The following ATRNL1 variants were observed in gnomAD, a reference collection of about 807,000 sequenced individuals.
ATRNL1 encodes attractin-like protein 1.
In ATRNL1, 95 loss-of-function variants were observed where a neutral mutation model predicts 182.7. That is an observed-to-expected ratio of 0.52 (90% CI 0.44 to 0.62). ATRNL1 has a LOEUF of 0.62. Among genes scored for constraint, ATRNL1 ranks in the 20% least tolerant of loss-of-function variants. ATRNL1 has a pLI of 0.00. For missense variants in ATRNL1, 1,471 were observed against 1,679.5 expected (o/e 0.88, Z 2.17); for synonymous variants, 576 against 568.3 (o/e 1.01, Z -0.19).
Position 115,804,708 on chromosome 10 carries a change from A to G in ATRNL1, c.3904-43169A>G, listed in dbSNP as rs141225539. 1.5e-4 allele frequency among the ~76,000 whole-genome samples: 23 copies of G among 152,340 alleles called. No homozygotes were observed. In the East Asian group the frequency reaches 4.4e-3, roughly 29 times the overall value. ...ACAAAGGCTCAAGGATCCTTAAAAT[A>G]AAAACCAAGACTTTCAGTGGGTTGT... On this transcript the variant is annotated intron_variant, in intron 27 of 28. Coordinates refer to ENST00000355044, the MANE Select transcript of ATRNL1 (RefSeq NM_207303.4).
intron 26 of ATRNL1, among the ~76,000 whole-genome samples, chr10:115,646,168 T>C (rs1237273256): frequency 6.6e-6 from 1 of 152,052 alleles, no homozygotes; most frequent in Non-Finnish European, 1.5e-5. Context: ...ATTATACTGA[T>C]TTTTTAAAAC....
chr10:115,504,429 C>T (rs1850005564), intron 24 of ATRNL1, among the ~76,000 whole-genome samples: 1 of 151,958 alleles, frequency 6.6e-6, no homozygotes, highest in South Asian at 2.1e-4. Context: ...CACCTAAAGC[C>T]ACAGAATTAG....
chr10:115,609,476 A>G (rs1857041681), intron 26 of ATRNL1, among the ~76,000 whole-genome samples: 1 of 152,220 alleles, frequency 6.6e-6, no homozygotes, highest in Non-Finnish European at 1.5e-5. Flanking sequence ...GTTAAAAACT[A>G]TTAAATAACC....
intron 26 of ATRNL1, among the ~76,000 whole-genome samples, chr10:115,689,202 A>C (rs1555047293): frequency 6.6e-6 from 1 of 151,996 alleles, no homozygotes; most frequent in East Asian, 1.9e-4. Flanking sequence ...GTTTACCATA[A>C]CCTTATAATA....
intron 26 of ATRNL1, among the ~76,000 whole-genome samples, chr10:115,722,530 A>G (rs1262020090): frequency 6.6e-6 from 1 of 152,176 alleles, no homozygotes; most frequent in Non-Finnish European, 1.5e-5. Flanking sequence ...AGAACAAAAA[A>G]TGATTTTTTA....
chr10:115,428,160 G>T (rs1171459071), intron 21 of ATRNL1, among the ~76,000 whole-genome samples: 2 of 151,610 alleles, frequency 1.3e-5, no homozygotes, highest in African/African-American at 4.8e-5. Flanking sequence ...TTTTAAATTT[G>T]TGATGCTATT....
intron 26 of ATRNL1, among the ~76,000 whole-genome samples, chr10:115,556,432 G>T (rs1325214617): frequency 6.6e-6 from 1 of 152,072 alleles, no homozygotes; most frequent in Non-Finnish European, 1.5e-5. Flanking sequence ...AAAATATATT[G>T]TATGTTTCAC....
intron 8 of ATRNL1, among the ~76,000 whole-genome samples, chr10:115,185,769 C>T (rs1339012146): frequency 6.6e-6 from 1 of 151,972 alleles, no homozygotes; most frequent in African/African-American, 2.4e-5. Context: ...GGAGAAAAAT[C>T]GTAACTACAT....
At chr10:115,413,227 T>G (rs1294322822) in intron 20 of ATRNL1, among the ~76,000 whole-genome samples, 3 of 152,164 alleles carry the variant, frequency 2.0e-5, no homozygotes, top group Non-Finnish European at 4.4e-5. Flanking sequence ...GAGTGGTGAC[T>G]CTGCTATTAG....
At chr10:115,618,206 T>C (rs1555021477) in intron 26 of ATRNL1, among the ~76,000 whole-genome samples, 1 of 152,182 alleles carries the variant, frequency 6.6e-6, no homozygotes, top group African/African-American at 2.4e-5. Flanking sequence ...GATATGATAA[T>C]GGACTAATAT....
intron 26 of ATRNL1, among the ~76,000 whole-genome samples, chr10:115,726,196 C>T (rs1555060028): frequency 6.6e-6 from 1 of 152,140 alleles, no homozygotes; most frequent in African/African-American, 2.4e-5. Context: ...TTTTATGAAT[C>T]TTCACTCACA....
chr10:115,643,609 GCA>G (rs1269426652), intron 26 of ATRNL1, among the ~76,000 whole-genome samples: 1 of 152,074 alleles, frequency 6.6e-6, no homozygotes, highest in Admixed American at 6.6e-5. Context: ...CAAAAATGAT[GCA>G]GTTTTTAAAA....
intron 15 of ATRNL1, among the ~76,000 whole-genome samples, chr10:115,289,791 T>A (rs576679391): frequency 6.6e-6 from 1 of 152,320 alleles, no homozygotes; most frequent in African/African-American, 2.4e-5. Flanking sequence ...TACAACTTTG[T>A]AGTGTATTTT....
intron 19 of ATRNL1, among the ~76,000 whole-genome samples, chr10:115,355,593 G>C (rs546706501): frequency 1.7e-4 from 26 of 152,104 alleles, no homozygotes; most frequent in Middle Eastern, 6.8e-3. Context: ...TAAAACAAAA[G>C]ATGTACTATA....
intron 26 of ATRNL1, among the ~76,000 whole-genome samples, chr10:115,561,638 A>G (rs1853715750): frequency 1.3e-5 from 2 of 148,684 alleles, no homozygotes; most frequent in South Asian, 2.1e-4. Context: ...GGATCCTGGA[A>G]CCAATCTCCT....
chr10:115,690,968 T>C (rs1593072871), intron 26 of ATRNL1, among the ~76,000 whole-genome samples: 1 of 152,108 alleles, frequency 6.6e-6, no homozygotes, highest in Non-Finnish European at 1.5e-5. Context: ...CCCTTGGGGC[T>C]CCCAAGCCAA....
At chr10:115,862,761 G>A (rs936728919) in intron 28 of ATRNL1, among the ~76,000 whole-genome samples, 23 of 152,100 alleles carry the variant, frequency 1.5e-4, no homozygotes, top group Non-Finnish European at 2.5e-4. Context: ...ATTTATTTTA[G>A]TACTTTTTTG....
intron 26 of ATRNL1, among the ~76,000 whole-genome samples, chr10:115,603,357 A>C (rs532513688): frequency 1.3e-5 from 2 of 152,148 alleles, no homozygotes; most frequent in African/African-American, 4.8e-5. Flanking sequence ...TAGGGGCTTT[A>C]CATTAAGAGA....
At chr10:115,317,925 G>T (rs1340691394) in intron 18 of ATRNL1, among the ~76,000 whole-genome samples, 1 of 151,862 alleles carries the variant, frequency 6.6e-6, no homozygotes, top group Non-Finnish European at 1.5e-5. Flanking sequence ...AGAACTTCTA[G>T]TACCATGTTG....
Sources: gnomAD v4.1 joint callset for allele counts (sites outside exome capture counted in the v4.1 genomes callset) on GRCh38, gnomAD v4.1.1 for gene constraint, MANE v1.5 for transcripts, NCBI Gene and HGNC (gene_info 2026-07-23, HGNC 2026-07-21) for gene names.